Variants in PBX1 observed in about 807,000 individuals in gnomAD.
PBX1 encodes the protein PBX homeobox 1.
In PBX1, 6 loss-of-function variants were observed where a neutral mutation model predicts 53.4. The observed-to-expected ratio is 0.11, with a 90% CI of 0.06 to 0.22. The LOEUF (loss-of-function observed/expected upper bound fraction) is 0.22. Ranked by LOEUF, PBX1 falls within the 10% of genes least tolerant of loss-of-function variation. The pLI is 1.00. For missense variants in PBX1, 251 were observed against 551.4 expected, an observed-to-expected ratio of 0.46 and a Z score of 5.46; for synonymous variants, 204 against 212.3, an observed-to-expected ratio of 0.96 and a Z score of 0.34.
intron 2 of PBX1, among the ~76,000 whole-genome samples, chr1:164,748,622 T>C (rs932559111): frequency 6.6e-6 from 1 of 152,208 alleles, no homozygotes; most frequent in Non-Finnish European, 1.5e-5. Context: ...ATCGCAAGTT[T>C]CAAATCTCAC....
intron 8 of PBX1, among the ~76,000 whole-genome samples, chr1:164,824,897 A>G (rs1032660061): frequency 3.3e-5 from 5 of 152,168 alleles, no homozygotes; most frequent in East Asian, 1.9e-4. Context: ...TAACTAGACT[A>G]TTGCCATAAC....
intron 8 of PBX1, chr1:164,831,620 A>T (rs1379490678): frequency 6.6e-6 from 1 of 152,020 alleles, no homozygotes; most frequent in East Asian, 1.9e-4. Flanking sequence ...CGATCTCCTG[A>T]CCTCGTGATT....
chr1:164,844,802 G>A (rs74118235), intron 8 of PBX1, among the ~76,000 whole-genome samples: 1,565 of 152,210 alleles, frequency 0.01, 20 homozygotes, highest in African/African-American at 0.036. Context: ...CTTGATTCTG[G>A]TTATACTACA....
At chr1:164,601,235 CAAAAAAAAAAAA>C (rs746798555) in intron 2 of PBX1, among the ~76,000 whole-genome samples, 2 of 33,998 alleles carry the variant, frequency 5.9e-5, no homozygotes, top group Non-Finnish European at 1.2e-4. Flanking sequence ...GATTCTGTCT[CAAAAAAAAAAAA>C]AAAAAAAAAA....
At chr1:164,590,509 G>A in intron 2 of PBX1, 3 of 455,730 alleles carry the variant, frequency 6.6e-6, no homozygotes, top group South Asian at 3.1e-5. Flanking sequence ...GAGAGGTGCC[G>A]TTTTTGGTGA....
At chr1:164,754,366 G>A (rs1035716132) in intron 2 of PBX1, among the ~76,000 whole-genome samples, 4 of 152,190 alleles carry the variant, frequency 2.6e-5, no homozygotes, top group African/African-American at 7.2e-5. Context: ...ACTGTGTCGG[G>A]AGAACCTTTA....
downstream of PBX1, among the ~76,000 whole-genome samples, chr1:164,855,830 A>G (rs928111827): frequency 1.3e-5 from 2 of 152,212 alleles, no homozygotes; most frequent in Non-Finnish European, 2.9e-5. Context: ...CGATCTATGC[A>G]TTCTGCCTCC....
intron 2 of PBX1, among the ~76,000 whole-genome samples, chr1:164,752,184 C>T (rs924361558): frequency 1.4e-5 from 2 of 147,888 alleles, no homozygotes; most frequent in African/African-American, 5.0e-5. Flanking sequence ...GTTAATGTGT[C>T]CATTTAGACC....
At chr1:164,646,335 G>A (rs775265737) in intron 2 of PBX1, among the ~76,000 whole-genome samples, 2 of 152,160 alleles carry the variant, frequency 1.3e-5, no homozygotes, top group East Asian at 1.9e-4. Flanking sequence ...GCAAATTTAG[G>A]TACTGAATCA....
chr1:164,693,439 T>C (rs760697860), intron 2 of PBX1, among the ~76,000 whole-genome samples: 2 of 152,334 alleles, frequency 1.3e-5, no homozygotes, highest in Non-Finnish European at 2.9e-5. Flanking sequence ...CTTACGTTCT[T>C]GAGAGCAAAG....
At chr1:164,627,806 T>G (rs1035552255) in intron 2 of PBX1, among the ~76,000 whole-genome samples, 5 of 152,190 alleles carry the variant, frequency 3.3e-5, no homozygotes, top group African/African-American at 1.2e-4. Context: ...TTTTGTATTT[T>G]TTTTCTCCAG....
intron 2 of PBX1, among the ~76,000 whole-genome samples, chr1:164,714,787 A>G (rs1402954432): frequency 6.6e-6 from 1 of 152,024 alleles, no homozygotes; most frequent in Non-Finnish European, 1.5e-5. Flanking sequence ...AAGACTACCC[A>G]CTCATTTTGT....
intron 2 of PBX1, chr1:164,590,364 C>G (rs1278753829): frequency 4.4e-6 from 2 of 456,022 alleles, no homozygotes; most frequent in Admixed American, 4.7e-5. Flanking sequence ...TCCTTGTTTT[C>G]TTTGTGCTCT....
chr1:164,776,862 A>G (rs1194625504), intron 2 of PBX1, among the ~76,000 whole-genome samples: 1 of 150,212 alleles, frequency 6.7e-6, no homozygotes, highest in Non-Finnish European at 1.5e-5. Context: ...CTAAAATTTA[A>G]TATTGAATCT....
chr1:164,719,785 G>A (rs1048745445), intron 2 of PBX1, among the ~76,000 whole-genome samples: 13 of 152,158 alleles, frequency 8.5e-5, no homozygotes, highest in African/African-American at 1.7e-4. Context: ...TGTGTCTAAA[G>A]TGTGCGTGTG....
rs142949587 is a variant in PBX1, at chr1:164,724,391, T to G, written c.266-68103T>G. Among the ~76,000 whole-genome samples, 351 of 152,332 alleles carry G rather than the reference T, an allele frequency of 2.3e-3. 1 individual carries two copies. Among genetic ancestry groups the G allele is most frequent in the African/African-American group, 8.2e-3 (339 of 41,578 alleles). ...GGCTTCCCTTGGCCACTCTTTTGGCTTCCCTGGGCCACAATGGAAGAAGAT... is the reference window on the plus strand; with the variant it reads ...GGCTTCCCTTGGCCACTCTTTTGGCGTCCCTGGGCCACAATGGAAGAAGAT... On this transcript the variant is annotated intron_variant, in intron 2 of 8. Coordinates refer to ENST00000420696, the MANE Select transcript of PBX1 (RefSeq NM_002585.4).
intron 2 of PBX1, among the ~76,000 whole-genome samples, chr1:164,650,760 C>T (rs140417732): frequency 4.4e-4 from 67 of 152,136 alleles, no homozygotes; most frequent in African/African-American, 1.5e-3. Context: ...TGCTGCTCTG[C>T]CGTCTAGTAC....
chr1:164,715,422 G>A (rs1664029434), intron 2 of PBX1, among the ~76,000 whole-genome samples: 1 of 152,162 alleles, frequency 6.6e-6, no homozygotes, highest in African/African-American at 2.4e-5. Flanking sequence ...GTGATCTTGA[G>A]GGTCAGTTGA....
intron 2 of PBX1, among the ~76,000 whole-genome samples, chr1:164,566,114 C>T (rs969732459): frequency 3.3e-5 from 5 of 152,140 alleles, no homozygotes; most frequent in South Asian, 2.1e-4. Flanking sequence ...GATACAAAAA[C>T]TGGCTAAGAT....
Sources: allele counts gnomAD v4.1 joint callset (sites outside exome capture counted in the v4.1 genomes callset), GRCh38; gene constraint gnomAD v4.1.1; transcripts MANE v1.5; gene names NCBI Gene and HGNC (gene_info 2026-07-23, HGNC 2026-07-21).